The following PACS1 variants were observed in gnomAD, a reference collection of about 807,000 sequenced individuals.
PACS1 encodes the protein PACS-1.
PACS1 carries 24 observed loss-of-function variants against 115.0 expected under a neutral mutation model. That is an observed-to-expected ratio of 0.21 (90% CI 0.15 to 0.29). The LOEUF (loss-of-function observed/expected upper bound fraction) is 0.29. Ranked by LOEUF, PACS1 falls within the 10% of genes least tolerant of loss-of-function variation. PACS1 has a pLI of 1.00. For synonymous variants in PACS1, 453 were observed against 504.5 expected, an observed-to-expected ratio of 0.90 and a Z score of 1.37; for missense variants, 838 against 1,251.2, an observed-to-expected ratio of 0.67 and a Z score of 4.98.
At position 66,241,654 on chromosome 11, in the gene PACS1, G is replaced by GT; in HGVS notation, c.2656+2dup. 6.2e-7 allele frequency: 1 copy of GT among 1,609,894 alleles called. No individual in the cohort carries two copies. The highest frequency in any genetic ancestry group is 8.5e-7 in the Non-Finnish European group (1 of 1,176,534). On this transcript the variant is annotated splice_donor_variant, in intron 22 of 23. Coordinates refer to ENST00000320580, the MANE Select transcript of PACS1 (RefSeq NM_018026.4). LOFTEE classifies it high-confidence loss of function. ...GTCACCAAAGAAAAGAACAAGAAAG[G>GT]TAAGTACCCCCAAGGCCGGGGAAGA... is the stretch of plus-strand genomic sequence containing the variant.
chr11:66,072,738 T>C (rs1437384323), intron 1 of PACS1, among the ~76,000 whole-genome samples: 1 of 152,224 alleles, frequency 6.6e-6, no homozygotes, highest in Non-Finnish European at 1.5e-5. Flanking sequence ...AAACACTGTG[T>C]TCCTTCCTAC....
At chr11:66,217,594 C>A in intron 7 of PACS1, 1 of 456,252 alleles carries the variant, frequency 2.2e-6, no homozygotes, top group Non-Finnish European at 4.4e-6. Flanking sequence ...TCTCCCATCA[C>A]AATGAGGTGT....
chr11:66,092,164 C>T (rs1462465469), intron 1 of PACS1, among the ~76,000 whole-genome samples: 1 of 152,068 alleles, frequency 6.6e-6, no homozygotes, highest in Non-Finnish European at 1.5e-5. Flanking sequence ...CCTATTTCTC[C>T]ACATCCTCTC....
chr11:66,076,000 G>C (rs1008438165), intron 1 of PACS1, among the ~76,000 whole-genome samples: 2 of 152,196 alleles, frequency 1.3e-5, no homozygotes, highest in African/African-American at 4.8e-5. Context: ...GCCTTCCAAA[G>C]TGCTGGGATT....
chr11:66,201,527 TG>T, intron 2 of PACS1, among the ~76,000 whole-genome samples: 1 of 151,784 alleles, frequency 6.6e-6, no homozygotes, highest in Non-Finnish European at 1.5e-5. Context: ...AACTTAATGA[TG>T]CTTCTTAAAG....
chr11:66,201,991 C>T (rs1854810452), intron 2 of PACS1, among the ~76,000 whole-genome samples: 1 of 151,838 alleles, frequency 6.6e-6, no homozygotes, highest in South Asian at 2.1e-4. Flanking sequence ...AATGGATAAA[C>T]CTTTAGCCAG....
intron 1 of PACS1, among the ~76,000 whole-genome samples, chr11:66,116,635 G>C (rs2134553555): frequency 6.6e-6 from 1 of 152,320 alleles, no homozygotes; most frequent in African/African-American, 2.4e-5. Context: ...GCTCACGCCT[G>C]TAATCCCAGC....
intron 1 of PACS1, among the ~76,000 whole-genome samples, chr11:66,090,194 ACTTGGCTTGG>A (rs373877149): frequency 4.7e-5 from 7 of 147,692 alleles, no homozygotes; most frequent in Admixed American, 6.7e-5. Flanking sequence ...GCTTGACTTG[ACTTGGCTTGG>A]CTTGGCTTGG....
intron 1 of PACS1, among the ~76,000 whole-genome samples, chr11:66,181,507 C>G (rs1860011410): frequency 6.6e-6 from 1 of 152,122 alleles, no homozygotes; most frequent in African/African-American, 2.4e-5. Context: ...AGCCACCCCA[C>G]CCGGCCCTAT....
Position 66,235,589 on chromosome 11 carries a change from A to G in PACS1, c.2207+186A>G. On this transcript the variant is annotated intron_variant, in intron 18 of 23. Coordinates refer to ENST00000320580, the MANE Select transcript of PACS1 (RefSeq NM_018026.4). This position sits in a 1 kb window ranked among gnomAD's most constrained non-coding sequence, Gnocchi z 5.6. Reference sequence around the variant, plus strand: ...CTTCCTTGCCCAAGGCCTCCCACCCATAGGAGCCTGAGTTCATCAGTTTCC... The same window carrying G: ...CTTCCTTGCCCAAGGCCTCCCACCCGTAGGAGCCTGAGTTCATCAGTTTCC... 3.3e-6 allele frequency: 2 copies of G among 608,552 alleles called. No homozygotes were observed. The highest frequency in any genetic ancestry group is 5.9e-6 in the Non-Finnish European group (2 of 340,816). The allele number at this position is 608,552 out of a possible 1,614,324, so 37.7% of individuals were successfully genotyped here.
rs202121528 is a variant in PACS1, at chr11:66,230,701, C to A, written c.1490+38C>A. The A allele has an allele frequency of 6.2e-6, 10 of 1,606,702 alleles. No homozygotes were observed. In the South Asian group the frequency reaches 1.1e-4, roughly 18 times the overall value. On this transcript the variant is annotated intron_variant, in intron 12 of 23. Coordinates refer to ENST00000320580, the MANE Select transcript of PACS1 (RefSeq NM_018026.4). ...GAAAGGAAGCAGGGGGTACAGCCTG[C>A]AGCTGTGCTTAGCATGGGCTTCAGG...
intron 2 of PACS1, among the ~76,000 whole-genome samples, chr11:66,204,846 A>G (rs879762674): frequency 6.6e-6 from 1 of 152,078 alleles, no homozygotes; most frequent in Non-Finnish European, 1.5e-5. Context: ...TAGAATGAAT[A>G]AGACCTGGTA....
At chr11:66,154,911 G>A (rs933219014) in intron 1 of PACS1, among the ~76,000 whole-genome samples, 6 of 152,154 alleles carry the variant, frequency 3.9e-5, no homozygotes, top group African/African-American at 9.7e-5. Flanking sequence ...CTACAGCACC[G>A]CAAGGCTGTG....
intron 4 of PACS1, among the ~76,000 whole-genome samples, chr11:66,215,857 G>A (rs902301077): frequency 4.0e-5 from 6 of 150,176 alleles, no homozygotes; most frequent in East Asian, 1.9e-4. Context: ...CCGAGATCAC[G>A]CCACTGCACT....
At chr11:66,110,713 G>C (rs1858168782) in intron 1 of PACS1, among the ~76,000 whole-genome samples, 1 of 152,098 alleles carries the variant, frequency 6.6e-6, no homozygotes, top group Non-Finnish European at 1.5e-5. Flanking sequence ...GAGACTCCAG[G>C]TGTGCACCAC....
intron 1 of PACS1, among the ~76,000 whole-genome samples, chr11:66,131,957 T>TA (rs113254213): frequency 1.6e-3 from 239 of 145,766 alleles, no homozygotes; most frequent in Middle Eastern, 7.0e-3. Flanking sequence ...CCTTCCTCAT[T>TA]AAAAAAAAAA....
In PACS1 at chr11:66,108,902, A is replaced by G. The variant is rs7929992; in HGVS notation, c.356+38060A>G. 4.6e-3 allele frequency among the ~76,000 whole-genome samples: 695 copies of G among 152,296 alleles called. 5 individuals carry two copies. Among genetic ancestry groups the G allele is most frequent in the African/African-American group, 0.015 (621 of 41,560 alleles). On this transcript the variant is annotated intron_variant, in intron 1 of 23. Coordinates refer to ENST00000320580, the MANE Select transcript of PACS1 (RefSeq NM_018026.4). ...GAGAATTGCTTGAGCCCAAGAGTTC[A>G]GGGCTGCAATGAGCTATGTTTGTGC... is the stretch of plus-strand genomic sequence containing the variant.
intron 21 of PACS1, among the ~76,000 whole-genome samples, chr11:66,239,869 A>C (rs115829929): frequency 0.018 from 2,713 of 152,318 alleles, 77 homozygotes; most frequent in African/African-American, 0.062. Flanking sequence ...AGCAGGTTAC[A>C]TAAGAACGTG....
intron 1 of PACS1, among the ~76,000 whole-genome samples, chr11:66,150,138 T>C (rs1859204875): frequency 6.6e-6 from 1 of 152,190 alleles, no homozygotes; most frequent in Non-Finnish European, 1.5e-5. Context: ...TAACAGACCA[T>C]CTGTGAATAT....
Sources: gnomAD v4.1 joint callset for allele counts (sites outside exome capture counted in the v4.1 genomes callset) on GRCh38, gnomAD v4.1.1 for gene constraint, Gnocchi (gnomAD v3.1) non-coding constraint, MANE v1.5 for transcripts, NCBI Gene and HGNC (gene_info 2026-07-23, HGNC 2026-07-21) for gene names.